The following CYP4F22 variants were observed in gnomAD, a reference collection of about 807,000 sequenced individuals.
The protein encoded by CYP4F22 is ultra-long-chain fatty acid omega-hydroxylase.
Under a neutral mutation model 60.4 loss-of-function variants are expected in CYP4F22, and 37 were observed. The ratio of observed to expected loss-of-function variants is 0.61; its 90% CI spans 0.47 to 0.81. The LOEUF (loss-of-function observed/expected upper bound fraction) is 0.81. CYP4F22 is among the 30% of genes least tolerant of loss of function. CYP4F22 has a pLI of 0.00. For missense variants in CYP4F22, 655 were observed against 715.0 expected, an observed-to-expected ratio of 0.92 and a Z score of 0.96; for synonymous variants, 258 against 280.5, an observed-to-expected ratio of 0.92 and a Z score of 0.80.
At chr19:15,548,863 T>C (rs1971562894) in intron 11 of CYP4F22, among the ~76,000 whole-genome samples, 1 of 151,868 alleles carries the variant, frequency 6.6e-6, no homozygotes, top group African/African-American at 2.4e-5. Flanking sequence ...GGAGCCAAGG[T>C]AGGTGTTTGA....
chr19:15,548,000 A>AGTGTGTGT lies in CYP4F22; in HGVS notation c.1137-107_1137-106insTGTGTGTG, dbSNP rs1346252216. The stretch of plus-strand genomic sequence containing the variant: ...GAGAGAGAGAGAGAGAGAGAGGGAG[A>AGTGTGTGT]GAGTGTGTGTGTGTGTGTGTGTGTG... On this transcript the variant is annotated intron_variant, in intron 10 of 13. Coordinates refer to ENST00000269703, the MANE Select transcript of CYP4F22 (RefSeq NM_173483.4). 23 of 294,446 alleles carry AGTGTGTGT rather than the reference A, an allele frequency of 7.8e-5. 3 individuals are homozygous for AGTGTGTGT. The highest frequency in any genetic ancestry group is 3.2e-4 in the African/African-American group (5 of 15,786). 18.2% of individuals were successfully genotyped at this position (294,446 alleles called of 1,614,324 possible).
intron 3 of CYP4F22, among the ~76,000 whole-genome samples, chr19:15,528,906 T>C (rs747251760): frequency 6.6e-6 from 1 of 152,150 alleles, no homozygotes; most frequent in Non-Finnish European, 1.5e-5. Context: ...ACTTGATAAA[T>C]GCCAACCATG....
In CYP4F22 at chr19:15,544,146, G is replaced by A; in HGVS notation, c.1007-4G>A. On this transcript the variant is annotated splice_region_variant and splice_polypyrimidine_tract_variant and intron_variant, in intron 9 of 13. Coordinates refer to ENST00000269703, the MANE Select transcript of CYP4F22 (RefSeq NM_173483.4). Reference sequence around the variant, plus strand: ...TCCATTCAGATACCCTCATCTCCCTGCAGGTCACGACACAACATCCAGTGG... The same window carrying A: ...TCCATTCAGATACCCTCATCTCCCTACAGGTCACGACACAACATCCAGTGG... 6.2e-7 allele frequency: 1 copy of A among 1,614,204 alleles called. No homozygotes were observed. Among genetic ancestry groups the A allele is most frequent in the Non-Finnish European group, 8.5e-7 (1 of 1,180,046 alleles).
At chr19:15,540,821 A>G (rs1178015118) in intron 8 of CYP4F22, 104 bp downstream of exon 8, 2 of 1,440,912 alleles carry the variant, frequency 1.4e-6, no homozygotes, top group African/African-American at 2.8e-5. Context: ...GTGGTGGCTC[A>G]CACGTGTAAT....
intron 8 of CYP4F22, among the ~76,000 whole-genome samples, chr19:15,542,701 C>T (rs1220150385): frequency 6.7e-6 from 1 of 150,338 alleles, no homozygotes; most frequent in Non-Finnish European, 1.5e-5. Flanking sequence ...GATATTCTCC[C>T]TCCTCCTGCC....
intron 4 of CYP4F22, 88 bp from the exon 5 acceptor site, chr19:15,537,273 C>T (rs1971405721): frequency 2.6e-6 from 4 of 1,560,310 alleles, no homozygotes; most frequent in Non-Finnish European, 3.5e-6. Flanking sequence ...TGCACTCCAG[C>T]CTGGATGACA....
In CYP4F22 at chr19:15,551,365, G is replaced by A. The variant is rs1049252967; in HGVS notation, c.1490G>A (p.Arg497His). 6.2e-7 allele frequency: 1 copy of A among 1,612,938 alleles called. No homozygotes were observed. The highest frequency in any genetic ancestry group is 8.5e-7 in the Non-Finnish European group (1 of 1,179,484). Reference sequence around the variant, plus strand: ...GTGGCACTAACACTGCTACGTTTCCGCCTGAGCGTGGACCGAACGCGCAAG... The same window carrying A: ...GTGGCACTAACACTGCTACGTTTCCACCTGAGCGTGGACCGAACGCGCAAG... Reference protein sequence around the residue: ...VVVALTLLRFRLSVDRTRKVR... With the variant: ...VVVALTLLRFHLSVDRTRKVR... Residue 497 changes from arginine (R) to histidine (H), a missense_variant, in exon 14 of 14, where the codon CGC becomes CAC. Coordinates refer to ENST00000269703, the MANE Select transcript of CYP4F22 (RefSeq NM_173483.4).
Position 15,529,822 on chromosome 19 carries a change from T to C in CYP4F22, c.336T>C (p.Pro112=). 1 of 1,614,204 alleles carries C rather than the reference T, an allele frequency of 6.2e-7. No homozygotes were observed. The highest frequency in any genetic ancestry group is 8.5e-7 in the Non-Finnish European group (1 of 1,180,040). The part of the protein sequence containing the change: ...PVLPLLVLVH[P]DYIKPLLGAS... The stretch of plus-strand genomic sequence containing the variant: ...TGCCGCTGTTGGTTCTGGTGCACCC[T>C]GATTACATCAAACCCCTTTTGGGAG... Residue 112 remains proline, a synonymous_variant, in exon 4 of 14, where the codon CCT becomes CCC. Coordinates refer to ENST00000269703, the MANE Select transcript of CYP4F22 (RefSeq NM_173483.4).
intron 4 of CYP4F22, among the ~76,000 whole-genome samples, chr19:15,537,004 A>G (rs1481261839): frequency 6.6e-6 from 1 of 152,122 alleles, no homozygotes; most frequent in Non-Finnish European, 1.5e-5. Flanking sequence ...CAAGGGTTGG[A>G]ACTCTGTTTT....
At chr19:15,520,487 A>G (rs1971211006) in intron 1 of CYP4F22, among the ~76,000 whole-genome samples, 1 of 151,838 alleles carries the variant, frequency 6.6e-6, no homozygotes, top group Non-Finnish European at 1.5e-5. Context: ...ATGAGGAGAA[A>G]AACTCCAGCG....
chr19:15,533,441 G>A (rs149150112), intron 4 of CYP4F22, among the ~76,000 whole-genome samples: 1,924 of 152,084 alleles, frequency 0.013, 26 homozygotes, highest in Non-Finnish European at 0.021. Context: ...TGGTAACCTC[G>A]AATCTGCTTT....
At chr19:15,532,786 G>A (rs771292632) in intron 4 of CYP4F22, among the ~76,000 whole-genome samples, 12 of 152,142 alleles carry the variant, frequency 7.9e-5, no homozygotes, top group Non-Finnish European at 1.2e-4. Context: ...GAGGAGTAGT[G>A]CCCCAGCAGG....
At chr19:15,545,065 C>A (rs1409859281) in intron 10 of CYP4F22, among the ~76,000 whole-genome samples, 4 of 150,318 alleles carry the variant, frequency 2.7e-5, no homozygotes, top group African/African-American at 9.8e-5. Flanking sequence ...CTGTCCCCAC[C>A]CCCCCACAAA....
At chr19:15,519,489 C>G (rs1233044203) in intron 1 of CYP4F22, among the ~76,000 whole-genome samples, 1 of 152,140 alleles carries the variant, frequency 6.6e-6, no homozygotes, top group African/African-American at 2.4e-5. Flanking sequence ...TCTCGAACTC[C>G]TGACCTCAAG....
At chr19:15,525,607 G>A (rs1217685952) in intron 3 of CYP4F22, 49 bp downstream of exon 3, 1 of 1,566,948 alleles carries the variant, frequency 6.4e-7, no homozygotes, top group South Asian at 1.1e-5. Flanking sequence ...GGCATGTGCA[G>A]GGTAATAGGT....
At chr19:15,522,774 G>A (rs1226181923) in intron 1 of CYP4F22, among the ~76,000 whole-genome samples, 4 of 152,062 alleles carry the variant, frequency 2.6e-5, no homozygotes, top group Non-Finnish European at 4.4e-5. Context: ...GCAGTGGCAC[G>A]ATCTCAGCTC....
intron 1 of CYP4F22, among the ~76,000 whole-genome samples, chr19:15,509,922 C>T (rs376189815): frequency 0.19 from 21,236 of 114,500 alleles, 3,099 homozygotes; most frequent in East Asian, 0.63. Flanking sequence ...TCTTTCCTTC[C>T]TTCTTTCTTT....
At chr19:15,531,916 G>A (rs1225403221) in intron 4 of CYP4F22, among the ~76,000 whole-genome samples, 1 of 152,062 alleles carries the variant, frequency 6.6e-6, no homozygotes, top group East Asian at 1.9e-4. Flanking sequence ...ACCAGCCTGG[G>A]CAACAGAGCA....
At position 15,537,932 on chromosome 19, in the gene CYP4F22, A is replaced by G. The variant is rs1210213695; in HGVS notation, c.610A>G (p.Ser204Gly). The change falls in exon 7 of 14, where the codon AGC becomes GGC. Residue 204 changes from serine (S) to glycine (G), a missense_variant. By Grantham distance (56) the Ser-to-Gly change is moderately conservative (BLOSUM62 0). Around this residue, in one of 3 missense-constraint regions of CYP4F22, gnomAD observed 430 missense variants for 457.1 expected, o/e 0.94. Coordinates refer to ENST00000269703, the MANE Select transcript of CYP4F22 (RefSeq NM_173483.4). ...AVSLDMFEHI[S>G]LMTLDSLQKC... ...CTCCCTTGATATGTTTGAGCATATC[A>G]GCCTCATGACCCTGGACAGTCTTCA... The G allele has an allele frequency of 6.2e-7, 1 of 1,614,220 alleles. No homozygotes were observed. The highest frequency in any genetic ancestry group is 1.7e-5 in the Admixed American group (1 of 60,028).
Sources: allele counts gnomAD v4.1 joint callset (sites outside exome capture counted in the v4.1 genomes callset), GRCh38; gene constraint gnomAD v4.1.1; regional missense constraint gnomAD v4.1.1; transcripts MANE v1.5; gene names NCBI Gene and HGNC (gene_info 2026-07-23, HGNC 2026-07-21).